Variants in TSPAN11 observed in about 807,000 individuals in gnomAD.
TSPAN11 encodes the protein tetraspanin-11.
In TSPAN11, 29 loss-of-function variants were observed where a neutral mutation model predicts 32.9. The observed-to-expected ratio is 0.88, with a 90% CI of 0.66 to 1.20. TSPAN11 has a LOEUF of 1.20. Among genes scored for constraint, TSPAN11 ranks in the 50% most tolerant of loss-of-function variants. The pLI is 0.00. For synonymous variants in TSPAN11, 140 were observed against 141.3 expected (o/e 0.99, Z 0.07); for missense variants, 283 against 329.1 (o/e 0.86, Z 1.08).
chr12:30,927,238 C>T (rs1264180393), intron 1 of TSPAN11, among the ~76,000 whole-genome samples: 1 of 152,230 alleles, frequency 6.6e-6, no homozygotes, highest in Non-Finnish European at 1.5e-5. Context: ...ACATTGCTTT[C>T]AGAGGGCCTG....
At chr12:30,991,113 TG>T (rs1939304047) in intron 7 of TSPAN11, among the ~76,000 whole-genome samples, 1 of 152,148 alleles carries the variant, frequency 6.6e-6, no homozygotes, top group Admixed American at 6.5e-5. Context: ...GTGTCTGCTT[TG>T]GACCAGATGC....
chr12:31,013,309 C>G, the TSPAN11 span, among the ~76,000 whole-genome samples: 1 of 152,094 alleles, frequency 6.6e-6, no homozygotes, highest in Non-Finnish European at 1.5e-5. Flanking sequence ...AGACAGCAGT[C>G]CAGGTAGGGA....
At chr12:30,966,773 T>G (rs1201181755) in intron 3 of TSPAN11, among the ~76,000 whole-genome samples, 1 of 150,116 alleles carries the variant, frequency 6.7e-6, no homozygotes, top group African/African-American at 2.5e-5. Flanking sequence ...CAAGGGAGGG[T>G]CCCCTCCAGC....
chr12:31,002,234 C>T, the TSPAN11 span, among the ~76,000 whole-genome samples: 88 of 152,240 alleles, frequency 5.8e-4, no homozygotes, highest in Non-Finnish European at 1.2e-3. The surrounding 1 kb of genome is among the most constrained non-coding windows in gnomAD (Gnocchi z 4.8). Flanking sequence ...GCCCTGGAGG[C>T]TGATGCCTTG....
At chr12:30,953,205 T>C (rs559138478) in intron 1 of TSPAN11, among the ~76,000 whole-genome samples, 4 of 152,328 alleles carry the variant, frequency 2.6e-5, no homozygotes, top group East Asian at 1.9e-4. Context: ...TGAACACTTA[T>C]TACATGCCAA....
At chr12:31,012,995 G>A in the TSPAN11 span, among the ~76,000 whole-genome samples, 1 of 152,180 alleles carries the variant, frequency 6.6e-6, no homozygotes, top group Non-Finnish European at 1.5e-5. Flanking sequence ...TGAGAGGATT[G>A]TACAGACACA....
chr12:30,985,948 G>T (rs910578992), intron 7 of TSPAN11, among the ~76,000 whole-genome samples: 2 of 152,268 alleles, frequency 1.3e-5, no homozygotes, highest in African/African-American at 4.8e-5. Context: ...CTCTTGCCCA[G>T]TTTTCTCTGC....
intron 1 of TSPAN11, among the ~76,000 whole-genome samples, chr12:30,944,189 C>T (rs548057087): frequency 1.3e-5 from 2 of 152,134 alleles, no homozygotes; most frequent in South Asian, 4.2e-4. Flanking sequence ...TGTGGAATGA[C>T]TAAGTCTAAA....
chr12:31,013,814 C>T, the TSPAN11 span, among the ~76,000 whole-genome samples: 691 of 152,254 alleles, frequency 4.5e-3, 2 homozygotes, highest in Middle Eastern at 0.01. Context: ...GGAATGAAAT[C>T]CTTAGACCTG....
intron 1 of TSPAN11, among the ~76,000 whole-genome samples, chr12:30,952,003 C>T (rs1391042498): frequency 6.6e-6 from 1 of 152,198 alleles, no homozygotes; most frequent in Non-Finnish European, 1.5e-5. Flanking sequence ...GTTCTATTTT[C>T]CCCACCACTA....
intron 7 of TSPAN11, among the ~76,000 whole-genome samples, chr12:30,989,772 CCCTT>C (rs966903584): frequency 1.3e-5 from 2 of 152,220 alleles, no homozygotes; most frequent in Non-Finnish European, 2.9e-5. Context: ...AGCTCTGTGG[CCCTT>C]CCTTCATGCT....
intron 1 of TSPAN11, among the ~76,000 whole-genome samples, chr12:30,943,137 C>T (rs893764515): frequency 1.3e-5 from 2 of 152,214 alleles, no homozygotes; most frequent in East Asian, 1.9e-4. Flanking sequence ...CCTTAAGGGT[C>T]GGAGAACACT....
chr12:30,976,331 G>A (rs140388306), intron 3 of TSPAN11, among the ~76,000 whole-genome samples: 16 of 152,276 alleles, frequency 1.1e-4, no homozygotes, highest in Non-Finnish European at 2.4e-4. Context: ...AAAGAAGGCT[G>A]AAATCCAGCC....
At chr12:30,963,509 G>A (rs1310469302) in intron 2 of TSPAN11, among the ~76,000 whole-genome samples, 2 of 152,170 alleles carry the variant, frequency 1.3e-5, no homozygotes, top group South Asian at 2.1e-4. Context: ...ACTCAGATAC[G>A]TTGATCATCC....
chr12:30,998,494 C>T (rs1166808761), downstream of TSPAN11, among the ~76,000 whole-genome samples: 1 of 152,248 alleles, frequency 6.6e-6, no homozygotes, highest in Non-Finnish European at 1.5e-5. Flanking sequence ...AAAGCAAATG[C>T]ATGACAAGCC....
intron 7 of TSPAN11, among the ~76,000 whole-genome samples, chr12:30,991,245 A>G (rs911806358): frequency 2.0e-5 from 3 of 152,150 alleles, no homozygotes; most frequent in Non-Finnish European, 2.9e-5. Context: ...CTCTTATTCT[A>G]TGCTGACTGA....
At chr12:30,927,579 T>G (rs1937827639) in intron 1 of TSPAN11, among the ~76,000 whole-genome samples, 1 of 145,688 alleles carries the variant, frequency 6.9e-6, no homozygotes, top group African/African-American at 2.6e-5. Flanking sequence ...TATTGTGAGG[T>G]GAGCGTGGGG....
At chr12:30,954,138 T>C (rs765074786) in intron 2 of TSPAN11, 63 bp downstream of exon 2, 1 of 1,258,752 alleles carries the variant, frequency 7.9e-7, no homozygotes. Context: ...CCACCTTTTG[T>C]TTTTTTGTGT....
At chr12:30,998,038 C>T (rs769592905), downstream of TSPAN11, among the ~76,000 whole-genome samples, 3 of 152,244 alleles carry the variant, frequency 2.0e-5, no homozygotes, top group African/African-American at 4.8e-5. Context: ...AGGGCATGCT[C>T]ACAGTCATCT....
Sources: allele counts gnomAD v4.1 joint callset (sites outside exome capture counted in the v4.1 genomes callset), GRCh38; gene constraint gnomAD v4.1.1; non-coding constraint Gnocchi (gnomAD v3.1); transcripts MANE v1.5; gene names NCBI Gene and HGNC (gene_info 2026-07-23, HGNC 2026-07-21).